LRRC4C: variants seen among roughly 807,000 people sequenced by gnomAD.
The protein encoded by LRRC4C is leucine-rich repeat-containing protein 4C.
LRRC4C carries 5 observed loss-of-function variants against 33.6 expected under a neutral mutation model. The observed-to-expected ratio is 0.15, with a 90% CI of 0.08 to 0.31. The LOEUF (loss-of-function observed/expected upper bound fraction) is 0.31. Ranked by LOEUF, LRRC4C falls within the 10% of genes least tolerant of loss-of-function variation. The pLI is 1.00. For synonymous variants in LRRC4C, 329 were observed against 302.0 expected (o/e 1.09, Z -0.93); for missense variants, 560 against 796.7 (o/e 0.70, Z 3.58).
At chr11:40,625,879 T>C (rs1364753253) in intron 3 of LRRC4C, among the ~76,000 whole-genome samples, 2 of 152,182 alleles carry the variant, frequency 1.3e-5, no homozygotes, top group Non-Finnish European at 2.9e-5. Context: ...AATATTCTCC[T>C]GGATGATCTT....
rs1953573275 is a variant in LRRC4C at position 40,481,645 on chromosome 11, GA to G, written c.-269-161925del. ...GGTTTTATGGACCCCATACAATACT[GA>G]TTAATTCAACACTTCCATTTTCAGG... On this transcript the variant is annotated intron_variant, in intron 3 of 6. Transcript: ENST00000528697. 2.0e-5 allele frequency among the ~76,000 whole-genome samples: 3 copies of G among 152,068 alleles called. No individual in the cohort carries two copies. In the South Asian group the frequency reaches 6.2e-4, roughly 32 times the overall value.
At chr11:40,789,094 A>G (rs916115461) in intron 2 of LRRC4C, among the ~76,000 whole-genome samples, 11 of 74,074 alleles carry the variant, frequency 1.5e-4, no homozygotes, top group Middle Eastern at 6.4e-3. Flanking sequence ...CCGTCTCGGG[A>G]AAAAAAAAAA....
At chr11:40,318,704 C>A (rs920180619) in intron 4 of LRRC4C, among the ~76,000 whole-genome samples, 3 of 152,138 alleles carry the variant, frequency 2.0e-5, no homozygotes, top group African/African-American at 4.8e-5. Flanking sequence ...CATTTACTAC[C>A]TAAACTGTTC....
intron 2 of LRRC4C, among the ~76,000 whole-genome samples, chr11:40,677,510 C>G (rs1254860630): frequency 1.3e-5 from 2 of 152,094 alleles, no homozygotes; most frequent in Non-Finnish European, 2.9e-5. Flanking sequence ...AGGAAAGAAC[C>G]TCCCATCACC....
intron 1 of LRRC4C, among the ~76,000 whole-genome samples, chr11:41,411,408 A>G (rs1387030318): frequency 6.6e-6 from 1 of 151,678 alleles, no homozygotes; most frequent in Admixed American, 6.6e-5. Flanking sequence ...TCCGCCTCCC[A>G]AAGTGCTGGG....
chr11:41,265,127 C>G (rs1214674158), intron 1 of LRRC4C, among the ~76,000 whole-genome samples: 2 of 152,088 alleles, frequency 1.3e-5, no homozygotes, highest in Admixed American at 6.6e-5. Context: ...CAATATGTGA[C>G]TAAACACCTT....
chr11:40,767,525 C>G (rs1485033448), intron 2 of LRRC4C, among the ~76,000 whole-genome samples: 1 of 152,030 alleles, frequency 6.6e-6, no homozygotes, highest in African/African-American at 2.4e-5. Flanking sequence ...AATATACATA[C>G]TTTTCATCAT....
At chr11:41,243,506 T>C (rs1048936165) in intron 1 of LRRC4C, among the ~76,000 whole-genome samples, 3 of 152,188 alleles carry the variant, frequency 2.0e-5, no homozygotes, top group Non-Finnish European at 4.4e-5. Flanking sequence ...GTCCTTTCCT[T>C]CCCAGATAAG....
At chr11:41,206,419 A>C (rs1946604309) in intron 1 of LRRC4C, among the ~76,000 whole-genome samples, 1 of 152,184 alleles carries the variant, frequency 6.6e-6, no homozygotes, top group South Asian at 2.1e-4. Context: ...TTCCAACACA[A>C]GAGTGACCTA....
intron 2 of LRRC4C, among the ~76,000 whole-genome samples, chr11:40,926,535 A>C (rs558249857): frequency 2.0e-5 from 3 of 152,230 alleles, no homozygotes; most frequent in Non-Finnish European, 4.4e-5. Flanking sequence ...CAAGGACATA[A>C]GACACTGAAA....
intron 1 of LRRC4C, among the ~76,000 whole-genome samples, chr11:41,047,487 T>C (rs2138070405): frequency 6.6e-6 from 1 of 152,310 alleles, no homozygotes; most frequent in East Asian, 1.9e-4. Flanking sequence ...ATGGTGATAG[T>C]TGCACAATCT....
intron 1 of LRRC4C, among the ~76,000 whole-genome samples, chr11:41,001,534 C>T (rs1565288647): frequency 1.3e-5 from 2 of 152,002 alleles, no homozygotes; most frequent in Non-Finnish European, 2.9e-5. Flanking sequence ...TTGAAAGTCT[C>T]TGAACATGGC....
chr11:40,766,290 T>C (rs1273166220), intron 2 of LRRC4C, among the ~76,000 whole-genome samples: 1 of 138,830 alleles, frequency 7.2e-6, no homozygotes, highest in Non-Finnish European at 1.5e-5. Context: ...AATAAAACTT[T>C]AGGGATTTCA....
intron 3 of LRRC4C, among the ~76,000 whole-genome samples, chr11:40,348,006 G>T (rs1232346340): frequency 6.6e-6 from 1 of 152,198 alleles, no homozygotes; most frequent in Non-Finnish European, 1.5e-5. Context: ...AAAAGGGAGA[G>T]ATATGACCAG....
chr11:40,721,349 G>A (rs1274756270), intron 2 of LRRC4C, among the ~76,000 whole-genome samples: 3 of 152,120 alleles, frequency 2.0e-5, no homozygotes, highest in Admixed American at 6.5e-5. Flanking sequence ...TTGCAAACTT[G>A]GAAGCAGATG....
rs183014218 is a variant in LRRC4C, at chr11:40,271,287, C to T, written c.-175-29689G>A. ...TTCTTCTGCTTTGCCATGTTTCCAT[C>T]CTTTCAACAACACTGAATAGGAGAG... On this transcript the variant is annotated intron_variant, in intron 4 of 6. Coordinates refer to ENST00000528697, the MANE Select transcript of LRRC4C (RefSeq NM_001258419.2). 5.9e-5 allele frequency among the ~76,000 whole-genome samples: 9 copies of T among 152,262 alleles called. 1 individual carries two copies. The highest frequency in any genetic ancestry group is 5.9e-4 in the Admixed American group (9 of 15,288).
At chr11:40,325,684 C>T (rs1043036923) in intron 3 of LRRC4C, among the ~76,000 whole-genome samples, 2 of 151,542 alleles carry the variant, frequency 1.3e-5, no homozygotes, top group South Asian at 2.1e-4. Flanking sequence ...AAGTCATGTT[C>T]GAAAGATAGC....
chr11:41,340,968 C>T (rs1336882190), intron 1 of LRRC4C, among the ~76,000 whole-genome samples: 1 of 152,182 alleles, frequency 6.6e-6, no homozygotes, highest in Non-Finnish European at 1.5e-5. Flanking sequence ...TTGCGTCTGC[C>T]TCTCAATTAA....
intron 4 of LRRC4C, among the ~76,000 whole-genome samples, chr11:40,261,852 A>G (rs2136266253): frequency 6.6e-6 from 1 of 152,192 alleles, no homozygotes; most frequent in East Asian, 1.9e-4. Flanking sequence ...CGGATTAAAG[A>G]CTTAAACGTA....
Sources: gnomAD v4.1 joint callset for allele counts (sites outside exome capture counted in the v4.1 genomes callset) on GRCh38, gnomAD v4.1.1 for gene constraint, MANE v1.5 for transcripts, NCBI Gene and HGNC (gene_info 2026-07-23, HGNC 2026-07-21) for gene names.